TAFA1: variants seen among roughly 807,000 people sequenced by gnomAD.
TAFA1 encodes the protein chemokine-like protein TAFA-1.
A neutral mutation model predicts 18.5 loss-of-function variants in TAFA1; 4 were observed. The ratio of observed to expected loss-of-function variants is 0.22; its 90% CI spans 0.11 to 0.49. TAFA1 has a LOEUF of 0.49. Among genes scored for constraint, TAFA1 ranks in the 20% least tolerant of loss-of-function variants. The pLI is 0.98. For synonymous variants in TAFA1, 56 were observed against 55.2 expected, an observed-to-expected ratio of 1.01 and a Z score of -0.06; for missense variants, 147 against 169.0, an observed-to-expected ratio of 0.87 and a Z score of 0.72.
chr3:68,287,718 C>G (rs1435405450), intron 2 of TAFA1, among the ~76,000 whole-genome samples: 2 of 152,038 alleles, frequency 1.3e-5, no homozygotes, highest in Non-Finnish European at 2.9e-5. Context: ...GTGGATGTTT[C>G]CTGGCTTGCA....
intron 2 of TAFA1, among the ~76,000 whole-genome samples, chr3:68,054,562 G>A (rs62245878): frequency 0.034 from 5,161 of 152,276 alleles, 124 homozygotes; most frequent in Non-Finnish European, 0.054. Flanking sequence ...GTGGCCTGTG[G>A]ACCAAATCTG....
intron 2 of TAFA1, chr3:68,145,564 A>T: frequency 6.8e-7 from 1 of 1,472,516 alleles, no homozygotes; most frequent in East Asian, 2.3e-5. Flanking sequence ...AGCCTGCTCC[A>T]CTTCCCCCAA....
chr3:68,313,453 C>T (rs1185049041), intron 2 of TAFA1, among the ~76,000 whole-genome samples: 2 of 152,128 alleles, frequency 1.3e-5, no homozygotes, highest in African/African-American at 4.8e-5. Context: ...ACAGTCTTTA[C>T]TTTCATCTGT....
intron 3 of TAFA1, among the ~76,000 whole-genome samples, chr3:68,499,442 CTTTCT>C (rs756732162): frequency 0.31 from 26,833 of 87,792 alleles, 2,329 homozygotes; most frequent in African/African-American, 0.33. Flanking sequence ...TTCTGTGTTC[CTTTCT>C]TTTTTTTTTT....
At chr3:68,389,024 A>G (rs2070168715) in intron 2 of TAFA1, among the ~76,000 whole-genome samples, 1 of 152,180 alleles carries the variant, frequency 6.6e-6, no homozygotes, top group Non-Finnish European at 1.5e-5. Flanking sequence ...TAAAGGTCAC[A>G]TTACTATTTA....
chr3:68,381,145 C>G lies in TAFA1; in HGVS notation c.119-36135C>G, dbSNP rs563352835. On this transcript the variant is annotated intron_variant, in intron 2 of 4. Coordinates refer to ENST00000478136, the MANE Select transcript of TAFA1 (RefSeq NM_213609.4). The stretch of plus-strand genomic sequence containing the variant: ...TTGGTCTATATCTCTGTTTTGGTAC[C>G]AGTACCATGCTGTTTTGGTTACTGT... Among the ~76,000 whole-genome samples, 509 of 132,066 alleles carry G rather than the reference C, an allele frequency of 3.9e-3. 4 individuals are homozygous for G. Among genetic ancestry groups the G allele is most frequent in the Middle Eastern group, 7.6e-3 (2 of 264 alleles). 86.6% of individuals were successfully genotyped at this position (132,066 alleles called of 152,430 possible).
At position 68,124,772 on chromosome 3, in the gene TAFA1, G is replaced by A. The variant is rs1469128124; in HGVS notation, c.118+118028G>A. The stretch of plus-strand genomic sequence containing the variant: ...TCTAGGTCCAGAGCCTGTGCTCCTA[G>A]CCCCTTGAGTGAACAGAGGTTCTGA... On this transcript the variant is annotated intron_variant, in intron 2 of 4. Transcript: ENST00000478136. Among the ~76,000 whole-genome samples, 5 of 152,200 alleles carry A rather than the reference G, an allele frequency of 3.3e-5. No homozygotes were observed. In the South Asian group the frequency reaches 6.2e-4, roughly 19 times the overall value.
At chr3:68,498,757 TGA>T (rs1483782912) in intron 3 of TAFA1, among the ~76,000 whole-genome samples, 133 of 92,112 alleles carry the variant, frequency 1.4e-3, no homozygotes, top group African/African-American at 5.0e-3. Flanking sequence ...TTTTTTTTTT[TGA>T]GAGAGAGAGA....
chr3:68,246,808 T>A (rs2067090347), intron 2 of TAFA1: 1 of 152,094 alleles, frequency 6.6e-6, no homozygotes, highest in South Asian at 2.1e-4. Flanking sequence ...TCGGCTGTAC[T>A]GCCAGGATTT....
At chr3:68,395,503 A>G (rs1293552457) in intron 2 of TAFA1, among the ~76,000 whole-genome samples, 1 of 152,212 alleles carries the variant, frequency 6.6e-6, no homozygotes, top group African/African-American at 2.4e-5. Flanking sequence ...CTGCACATGC[A>G]CACATACGTT....
intron 2 of TAFA1, among the ~76,000 whole-genome samples, chr3:68,302,538 A>C (rs898899520): frequency 6.6e-6 from 1 of 151,924 alleles, no homozygotes; most frequent in Non-Finnish European, 1.5e-5. Context: ...TTTTCTTGTT[A>C]ATCTTTCTTT....
At chr3:68,370,345 T>TACACACACACATACAC (rs1264120269) in intron 2 of TAFA1, among the ~76,000 whole-genome samples, 1 of 57,342 alleles carries the variant, frequency 1.7e-5, no homozygotes, top group East Asian at 4.8e-4. Flanking sequence ...TATATATATA[T>TACACACACACATACAC]ATATATATAC....
intron 2 of TAFA1, among the ~76,000 whole-genome samples, chr3:68,404,975 C>A (rs1352489335): frequency 1.3e-5 from 2 of 152,074 alleles, no homozygotes; most frequent in African/African-American, 4.8e-5. Context: ...TAAGCCAACT[C>A]AAAAATGTTG....
intron 3 of TAFA1, among the ~76,000 whole-genome samples, chr3:68,450,247 T>C (rs745559936): frequency 6.6e-6 from 1 of 152,148 alleles, no homozygotes; most frequent in Non-Finnish European, 1.5e-5. Flanking sequence ...TTGGAGGCTG[T>C]TTATGATTCA....
chr3:68,332,630 T>G (rs1308061632), intron 2 of TAFA1, among the ~76,000 whole-genome samples: 1 of 152,146 alleles, frequency 6.6e-6, no homozygotes, highest in Non-Finnish European at 1.5e-5. Context: ...AAAGAAGACA[T>G]GCATATTAAA....
chr3:68,305,409 CTATATATATATATATATATATATA>C (rs773025236), intron 2 of TAFA1, among the ~76,000 whole-genome samples: 4,149 of 38,236 alleles, frequency 0.11, 313 homozygotes, highest in Non-Finnish European at 0.13. Context: ...GACTATATGA[CTATATATATATATATATATATATA>C]TATATATATA....
chr3:68,439,040 T>G (rs1421502691), intron 3 of TAFA1, among the ~76,000 whole-genome samples: 1 of 152,104 alleles, frequency 6.6e-6, no homozygotes, highest in Non-Finnish European at 1.5e-5. Flanking sequence ...TTGGGATCTT[T>G]CTTCCATTGT....
chr3:68,163,024 GAC>G (rs2065944098), intron 2 of TAFA1, among the ~76,000 whole-genome samples: 1 of 152,156 alleles, frequency 6.6e-6, no homozygotes, highest in South Asian at 2.1e-4. Context: ...GTTGGCAAAA[GAC>G]AAATAGTCAA....
chr3:68,081,359 C>G (rs975907715), intron 2 of TAFA1, among the ~76,000 whole-genome samples: 2 of 151,948 alleles, frequency 1.3e-5, no homozygotes, highest in Admixed American at 6.6e-5. Context: ...CTGGTGAGGA[C>G]CTGCGTTCCT....
Sources: gnomAD v4.1 joint callset for allele counts (sites outside exome capture counted in the v4.1 genomes callset) on GRCh38, gnomAD v4.1.1 for gene constraint, MANE v1.5 for transcripts, NCBI Gene and HGNC (gene_info 2026-07-23, HGNC 2026-07-21) for gene names.